The following RALGPS2 variants were observed in gnomAD, a reference collection of about 807,000 sequenced individuals.
RALGPS2 encodes Ral GEF with PH domain and SH3 binding motif 2.
In RALGPS2, 43 loss-of-function variants were observed where a neutral mutation model predicts 86.8. That is an observed-to-expected ratio of 0.50 (90% confidence interval 0.39 to 0.64). The LOEUF is 0.64. Ranked by LOEUF, RALGPS2 falls within the 30% of genes least tolerant of loss-of-function variation. The probability of loss-of-function intolerance (pLI) is 0.00; values close to 1 mark genes in which losing one functional copy is unlikely to be tolerated. For synonymous variants in RALGPS2, 243 were observed against 231.3 expected (o/e 1.05, Z -0.46); for missense variants, 536 against 694.6 (o/e 0.77, Z 2.57).
At chr1:178,897,785 G>T in intron 17 of RALGPS2, 29 bp downstream of exon 17, 1 of 1,576,788 alleles carries the variant, frequency 6.3e-7, no homozygotes. Flanking sequence ...CATTTTTAGC[G>T]TGGTTTCCCA....
At chr1:178,739,625 A>G (rs1264073791) in intron 1 of RALGPS2, among the ~76,000 whole-genome samples, 2 of 152,238 alleles carry the variant, frequency 1.3e-5, no homozygotes, top group African/African-American at 4.8e-5. Context: ...CTAAATATTC[A>G]GCCCTTAGAA....
intron 8 of RALGPS2, among the ~76,000 whole-genome samples, chr1:178,874,089 G>A (rs1033995497): frequency 6.6e-6 from 1 of 152,008 alleles, no homozygotes; most frequent in African/African-American, 2.4e-5. Context: ...CTCAAAAATA[G>A]GCAAAAGTAG....
At chr1:178,751,669 T>G (rs1651689274) in intron 1 of RALGPS2, among the ~76,000 whole-genome samples, 1 of 152,202 alleles carries the variant, frequency 6.6e-6, no homozygotes. Flanking sequence ...CTTCTTCTGG[T>G]CATTGGGTGG....
In RALGPS2 at chr1:178,915,720, T is replaced by C. The variant is rs76931288; in HGVS notation, c.1723-610T>C. Among the ~76,000 whole-genome samples, 332 of 152,352 alleles carry C rather than the reference T, an allele frequency of 2.2e-3. 2 individuals are homozygous for C. The highest frequency in any genetic ancestry group is 0.01 in the Middle Eastern group (3 of 294). On this transcript the variant is annotated intron_variant, in intron 19 of 19. Coordinates refer to ENST00000367635, the MANE Select transcript of RALGPS2 (RefSeq NM_152663.5). ...AGGTTTCAGAGAGAGGTTGCTAAAC[T>C]GTGAGAGCTGTCTTAAGGACAGAAA...
At chr1:178,743,574 A>G (rs1191222219) in intron 1 of RALGPS2, among the ~76,000 whole-genome samples, 1 of 152,238 alleles carries the variant, frequency 6.6e-6, no homozygotes, top group Non-Finnish European at 1.5e-5. Context: ...CCATGGAACT[A>G]ATTTAAGTTA....
At chr1:178,759,026 G>A (rs912323078) in intron 1 of RALGPS2, among the ~76,000 whole-genome samples, 2 of 151,794 alleles carry the variant, frequency 1.3e-5, no homozygotes, top group Non-Finnish European at 2.9e-5. Flanking sequence ...TCTGTAAGTC[G>A]TCTCTTTGTT....
At chr1:178,840,195 T>C (rs1656520997) in intron 8 of RALGPS2, among the ~76,000 whole-genome samples, 3 of 152,220 alleles carry the variant, frequency 2.0e-5, no homozygotes, top group Admixed American at 2.0e-4. Context: ...CAACAGAATA[T>C]ACATTCTTCT....
At chr1:178,807,946 A>C in intron 4 of RALGPS2, 99 bp from the exon 5 acceptor site, 1 of 784,654 alleles carries the variant, frequency 1.3e-6, no homozygotes, top group Non-Finnish European at 2.2e-6. Flanking sequence ...AAGTGATTCT[A>C]GAAAAGAACA....
At chr1:178,737,398 A>G (rs575225952) in intron 1 of RALGPS2, among the ~76,000 whole-genome samples, 2 of 152,264 alleles carry the variant, frequency 1.3e-5, no homozygotes, top group South Asian at 4.1e-4. Context: ...GGCGCCTGCC[A>G]CCACGCCTGG....
intron 8 of RALGPS2, among the ~76,000 whole-genome samples, chr1:178,874,996 T>C (rs1333968950): frequency 6.6e-6 from 1 of 152,200 alleles, no homozygotes; most frequent in Non-Finnish European, 1.5e-5. Flanking sequence ...ATTAAATTTA[T>C]AAGGGAATCA....
At chr1:178,898,981 G>A (rs972377331) in intron 17 of RALGPS2, among the ~76,000 whole-genome samples, 1 of 151,862 alleles carries the variant, frequency 6.6e-6, no homozygotes, top group Non-Finnish European at 1.5e-5. Flanking sequence ...TAAATCCTTA[G>A]CTTCATATGG....
intron 1 of RALGPS2, among the ~76,000 whole-genome samples, chr1:178,754,164 T>G (rs1018936503): frequency 6.6e-6 from 1 of 151,840 alleles, no homozygotes; most frequent in Non-Finnish European, 1.5e-5. Flanking sequence ...TCTGTATAAT[T>G]TGGGAGAATT....
intron 1 of RALGPS2, among the ~76,000 whole-genome samples, chr1:178,730,906 G>C (rs569110560): frequency 1.3e-5 from 2 of 152,078 alleles, no homozygotes; most frequent in South Asian, 4.2e-4. Context: ...TCTCCATGTT[G>C]GTCAGGCTGG....
At chr1:178,902,573 G>T (rs914056578) in intron 18 of RALGPS2, among the ~76,000 whole-genome samples, 8 of 152,050 alleles carry the variant, frequency 5.3e-5, no homozygotes, top group African/African-American at 1.9e-4. Context: ...AATTTTTAGA[G>T]ACTTGCCATA....
intron 6 of RALGPS2, among the ~76,000 whole-genome samples, chr1:178,812,712 AC>A (rs1655040792): frequency 2.0e-5 from 3 of 152,178 alleles, no homozygotes; most frequent in Non-Finnish European, 4.4e-5. Context: ...AACTTTCCTC[AC>A]ATGTGAATGA....
chr1:178,776,057 A>C (rs1653067570), intron 1 of RALGPS2, among the ~76,000 whole-genome samples: 1 of 152,080 alleles, frequency 6.6e-6, no homozygotes. Flanking sequence ...AGTAATCCGG[A>C]GATGATTTAA....
At position 178,852,291 on chromosome 1, in the gene RALGPS2, T is replaced by C. The variant is rs182932830; in HGVS notation, c.607+18741T>C. Among the ~76,000 whole-genome samples the C allele has an allele frequency of 3.1e-3, 467 of 152,290 alleles. 4 individuals are homozygous for C. The highest frequency in any genetic ancestry group is 0.01 in the African/African-American group (433 of 41,562). ...ACTTATTCCCACCTAACAAATTGTT[T>C]TGTCTCTCCTCCAGTGAGTAAGCTC... On this transcript the variant is annotated intron_variant, in intron 8 of 19. Transcript: ENST00000367635.
At chr1:178,751,013 CTTAG>C (rs1034831951) in intron 1 of RALGPS2, among the ~76,000 whole-genome samples, 2 of 152,084 alleles carry the variant, frequency 1.3e-5, no homozygotes, top group Admixed American at 6.6e-5. Flanking sequence ...ATTCATGTCT[CTTAG>C]TTAGGAAATC....
chr1:178,843,479 A>G (rs1031343410), intron 8 of RALGPS2, among the ~76,000 whole-genome samples: 2 of 138,598 alleles, frequency 1.4e-5, no homozygotes, highest in African/African-American at 2.7e-5. Context: ...CAGGAAGGGG[A>G]ATATCACACT....
Sources: gnomAD v4.1 joint callset for allele counts (sites outside exome capture counted in the v4.1 genomes callset) on GRCh38, gnomAD v4.1.1 for gene constraint, MANE v1.5 for transcripts, NCBI Gene and HGNC (gene_info 2026-07-23, HGNC 2026-07-21) for gene names.